Variants in ASIC2 observed in about 807,000 individuals in gnomAD.
ASIC2 encodes the protein acid-sensing ion channel 2.
ASIC2 carries 25 observed loss-of-function variants against 57.3 expected under a neutral mutation model. The observed-to-expected ratio is 0.44, with a 90% CI of 0.32 to 0.61. ASIC2 has a LOEUF of 0.61. ASIC2 is among the 20% of genes least tolerant of loss of function. The pLI is 0.06. For missense variants in ASIC2, 641 were observed against 738.1 expected (o/e 0.87, Z 1.52); for synonymous variants, 319 against 307.5 (o/e 1.04, Z -0.39).
rs1342055750 is a variant in ASIC2, at chr17:33,596,857, G to A, written c.556-484790C>T. 3.3e-5 allele frequency among the ~76,000 whole-genome samples: 5 copies of A among 152,188 alleles called. No homozygotes were observed. In the South Asian group the frequency reaches 6.2e-4, roughly 19 times the overall value. On this transcript the variant is annotated intron_variant, in intron 1 of 9. Coordinates refer to the ASIC2 transcript ENST00000359872. ...CAAGAGTCCTGGGCAGGGCCAGAGC[G>A]GGTACATAGACTCCGTTTGACAGAT... is the stretch of plus-strand genomic sequence containing the variant.
chr17:33,137,286 T>C (rs1213955888), intron 1 of ASIC2, among the ~76,000 whole-genome samples: 1 of 152,200 alleles, frequency 6.6e-6, no homozygotes, highest in African/African-American at 2.4e-5. Flanking sequence ...GTTTATTTCT[T>C]ACAGAACTTA....
chr17:33,368,673 T>C (rs1165118021), intron 1 of ASIC2, among the ~76,000 whole-genome samples: 2 of 152,208 alleles, frequency 1.3e-5, no homozygotes, highest in East Asian at 3.8e-4. Context: ...CTGGCACTTT[T>C]CCCCTCTTGA....
intron 1 of ASIC2, among the ~76,000 whole-genome samples, chr17:33,307,836 G>A (rs954296117): frequency 1.3e-5 from 2 of 152,192 alleles, no homozygotes; most frequent in Non-Finnish European, 2.9e-5. Flanking sequence ...CACATGTAAA[G>A]CATAAAGCAC....
At chr17:33,676,519 A>G (rs1907826909) in intron 1 of ASIC2, among the ~76,000 whole-genome samples, 1 of 152,242 alleles carries the variant, frequency 6.6e-6, no homozygotes, top group Non-Finnish European at 1.5e-5. Flanking sequence ...AGTGGTCTGG[A>G]TAGAAGATCA....
At chr17:33,832,644 G>A (rs916330615) in intron 1 of ASIC2, among the ~76,000 whole-genome samples, 5 of 152,216 alleles carry the variant, frequency 3.3e-5, no homozygotes, top group Non-Finnish European at 7.3e-5. Flanking sequence ...CTTTACCGCT[G>A]TCACCTGTTA....
chr17:33,464,528 CTT>C (rs1349568507), intron 1 of ASIC2, among the ~76,000 whole-genome samples: 2,767 of 34,802 alleles, frequency 0.08, 41 homozygotes, highest in Non-Finnish European at 0.095. Flanking sequence ...TTCTTTCTTT[CTT>C]TCTTTCTTTC....
intron 1 of ASIC2, among the ~76,000 whole-genome samples, chr17:33,594,318 C>T (rs755862466): frequency 4.8e-4 from 73 of 152,354 alleles, no homozygotes; most frequent in Admixed American, 1.4e-3. Flanking sequence ...CCATCTCATA[C>T]CAGAGCAGGT....
rs562195640 is a variant in ASIC2 at position 33,607,680 on chromosome 17, C to G, written c.556-495613G>C. 1.7e-4 allele frequency among the ~76,000 whole-genome samples: 26 copies of G among 152,298 alleles called. No homozygotes were observed. The South Asian group carries it at 3.9e-3, about 23-fold the overall frequency. On this transcript the variant is annotated intron_variant, in intron 1 of 9. Coordinates refer to the ASIC2 transcript ENST00000359872. Reference sequence around the variant, plus strand: ...TGATCCCTGCCTTGTGACTCTCCATCAGCTCAAGTCATAGGTGACTTTCAT... The same window carrying G: ...TGATCCCTGCCTTGTGACTCTCCATGAGCTCAAGTCATAGGTGACTTTCAT...
At chr17:33,598,327 T>A (rs1280740499) in intron 1 of ASIC2, among the ~76,000 whole-genome samples, 2 of 152,194 alleles carry the variant, frequency 1.3e-5, no homozygotes, top group Non-Finnish European at 1.5e-5. Context: ...GCACTGGATA[T>A]TTCCACAGCC....
At chr17:33,776,833 C>T (rs937627287) in intron 1 of ASIC2, among the ~76,000 whole-genome samples, 6 of 152,200 alleles carry the variant, frequency 3.9e-5, no homozygotes, top group Admixed American at 2.6e-4. Flanking sequence ...CTACTTTATT[C>T]GTTAGCACAG....
rs12451999 is a variant in ASIC2 at position 33,759,838 on chromosome 17, A to C, written c.555+396140T>G. Among the ~76,000 whole-genome samples, 3,565 of 152,266 alleles carry C rather than the reference A, an allele frequency of 0.023. 332 individuals carry two copies. The East Asian group carries it at 0.3, about 13-fold the overall frequency. ...GGATGACAGAAAGCAGAAGCTGTGG[A>C]GGCCACCCAGATTTCAAAGGATGGT... On this transcript the variant is annotated intron_variant, in intron 1 of 9. Coordinates refer to the ASIC2 transcript ENST00000359872.
chr17:34,137,415 C>T (rs896317802), intron 1 of ASIC2, among the ~76,000 whole-genome samples: 1 of 152,158 alleles, frequency 6.6e-6, no homozygotes, highest in Non-Finnish European at 1.5e-5. Flanking sequence ...CAACTGAAAT[C>T]ATCATTATCC....
chr17:33,418,156 A>G (rs1910925522), intron 1 of ASIC2, among the ~76,000 whole-genome samples: 1 of 151,824 alleles, frequency 6.6e-6, no homozygotes, highest in South Asian at 2.1e-4. Flanking sequence ...TTATCTTGCC[A>G]GTCATCTTTG....
intron 1 of ASIC2, among the ~76,000 whole-genome samples, chr17:33,918,398 A>G (rs1274628623): frequency 6.6e-6 from 1 of 152,220 alleles, no homozygotes; most frequent in Non-Finnish European, 1.5e-5. Flanking sequence ...CCCAACAACT[A>G]AGACAGTGAT....
At chr17:33,348,707 G>T (rs1241824961) in intron 1 of ASIC2, among the ~76,000 whole-genome samples, 2 of 152,044 alleles carry the variant, frequency 1.3e-5, no homozygotes, top group Non-Finnish European at 2.9e-5. Context: ...GAACAGAGGT[G>T]TGGGACTGAT....
chr17:33,531,710 C>A (rs539781867), intron 1 of ASIC2, among the ~76,000 whole-genome samples: 1 of 152,302 alleles, frequency 6.6e-6, no homozygotes, highest in African/African-American at 2.4e-5. Context: ...AGGAGAGAGG[C>A]CCTTCTTTCC....
intron 1 of ASIC2, among the ~76,000 whole-genome samples, chr17:33,848,941 T>C (rs545866104): frequency 1.3e-5 from 2 of 152,332 alleles, no homozygotes; most frequent in South Asian, 4.1e-4. Context: ...AAAAGGAAGC[T>C]CTGAGAGGTG....
In ASIC2 at chr17:33,802,072, G is replaced by T. The variant is rs918593394; in HGVS notation, c.555+353906C>A. On this transcript the variant is annotated intron_variant, in intron 1 of 9. Coordinates refer to the ASIC2 transcript ENST00000359872. ...TTTTGATTTTCTAGATAAGTCAGAC[G>T]TATATAGTCATGCACTGTATAACAA... 3.3e-5 allele frequency among the ~76,000 whole-genome samples: 5 copies of T among 152,348 alleles called. No homozygotes were observed. The East Asian group carries it at 9.6e-4, about 29-fold the overall frequency.
At chr17:33,293,621 G>A (rs1157880174), upstream of ASIC2, among the ~76,000 whole-genome samples, 3 of 152,206 alleles carry the variant, frequency 2.0e-5, no homozygotes, top group Non-Finnish European at 4.4e-5. Flanking sequence ...GCGAGTTGCT[G>A]TGTAGTGTGG....
Sources: allele counts gnomAD v4.1 joint callset (sites outside exome capture counted in the v4.1 genomes callset), GRCh38; gene constraint gnomAD v4.1.1; transcripts MANE v1.5; gene names NCBI Gene and HGNC (gene_info 2026-07-23, HGNC 2026-07-21).